Variants in MTF2 observed in about 807,000 individuals in gnomAD.
MTF2 encodes the protein metal-response element-binding transcription factor 2.
A neutral mutation model predicts 79.5 loss-of-function variants in MTF2; 11 were observed. That is an observed-to-expected ratio of 0.14 (90% CI 0.09 to 0.23). The LOEUF (loss-of-function observed/expected upper bound fraction) is 0.23, where lower values mean the gene tolerates loss of function less well. Ranked by LOEUF, MTF2 falls within the 10% of genes least tolerant of loss-of-function variation. The pLI, the probability that MTF2 is intolerant of heterozygous loss-of-function variation, is 1.00. For synonymous variants in MTF2, 208 were observed against 232.8 expected, an observed-to-expected ratio of 0.89 and a Z score of 0.97; for missense variants, 486 against 711.2, an observed-to-expected ratio of 0.68 and a Z score of 3.60.
At chr1:93,113,058 A>T (rs555860708) in intron 3 of MTF2, among the ~76,000 whole-genome samples, 1 of 152,208 alleles carries the variant, frequency 6.6e-6, no homozygotes, top group East Asian at 1.9e-4. Flanking sequence ...CCCAGAAGCT[A>T]TGGGAGACCA....
intron 1 of MTF2, among the ~76,000 whole-genome samples, chr1:93,089,987 TC>T (rs1655006964): frequency 6.6e-6 from 1 of 151,992 alleles, no homozygotes; most frequent in African/African-American, 2.4e-5. Context: ...TAATTTTTTT[TC>T]TTTTTTGAGA....
intron 9 of MTF2, among the ~76,000 whole-genome samples, chr1:93,124,591 A>G (rs954315104): frequency 7.2e-5 from 11 of 152,062 alleles, no homozygotes; most frequent in African/African-American, 2.7e-4. Flanking sequence ...ATGATACTAG[A>G]GGAAAATATA....
chr1:93,120,859 T>C, intron 9 of MTF2, 187 bp downstream of exon 9: 1 of 1,299,780 alleles, frequency 7.7e-7, no homozygotes, highest in Non-Finnish European at 9.7e-7. Flanking sequence ...TGTGTGTTTG[T>C]TGCCTGTTGA....
chr1:93,116,190 T>G (rs1656242357), intron 6 of MTF2, among the ~76,000 whole-genome samples: 1 of 152,108 alleles, frequency 6.6e-6, no homozygotes, highest in Non-Finnish European at 1.5e-5. Context: ...CCGAAGTAGC[T>G]AGGACCACAG....
chr1:93,135,751 C>T (rs1647364083), intron 14 of MTF2, among the ~76,000 whole-genome samples: 1 of 152,196 alleles, frequency 6.6e-6, no homozygotes, highest in Non-Finnish European at 1.5e-5. Context: ...GTCAGGGCTC[C>T]TGTGAGCCAT....
intron 1 of MTF2, among the ~76,000 whole-genome samples, chr1:93,086,496 C>A (rs1411354922): frequency 7.7e-3 from 752 of 97,466 alleles, no homozygotes; most frequent in African/African-American, 0.014. Context: ...GAGACTGTCT[C>A]AAAAAAAAAA....
chr1:93,094,131 A>G (rs920596622), intron 1 of MTF2, among the ~76,000 whole-genome samples: 5 of 152,234 alleles, frequency 3.3e-5, no homozygotes, highest in Non-Finnish European at 4.4e-5. Context: ...GGCCTTTTCA[A>G]TCTGGTTACT....
At chr1:93,120,385 A>G in intron 8 of MTF2, 164 bp from the exon 9 acceptor site, 2 of 491,478 alleles carry the variant, frequency 4.1e-6, no homozygotes, top group South Asian at 3.6e-5. Context: ...TTTAGTCACT[A>G]TTTTCTAGTT....
intron 1 of MTF2, among the ~76,000 whole-genome samples, chr1:93,083,978 C>T (rs952789224): frequency 1.3e-5 from 2 of 152,124 alleles, no homozygotes; most frequent in African/African-American, 4.8e-5. Context: ...GACTTTTCTT[C>T]CCCCATCCTG....
intron 1 of MTF2, among the ~76,000 whole-genome samples, chr1:93,094,538 G>A (rs1655203945): frequency 6.6e-6 from 1 of 151,908 alleles, no homozygotes; most frequent in South Asian, 2.1e-4. Context: ...TTTCTGTGGA[G>A]TTTATTTGTG....
rs144754919 is a variant in MTF2 at position 93,083,325 on chromosome 1, G to A, written c.5+3794G>A. Among the ~76,000 whole-genome samples the A allele has an allele frequency of 1.2e-3, 177 of 152,320 alleles. 1 individual carries two copies. Among genetic ancestry groups the A allele is most frequent in the African/African-American group, 4.0e-3 (167 of 41,560 alleles). ...GGTTACAATTTGACGGAATATTTGG[G>A]CGGGCACACAAAATCCAAACTATAT... On this transcript the variant is annotated intron_variant, in intron 1 of 14. Coordinates refer to ENST00000370298, the MANE Select transcript of MTF2 (RefSeq NM_007358.4).
intron 11 of MTF2, among the ~76,000 whole-genome samples, chr1:93,130,384 C>T (rs1656868813): frequency 6.6e-6 from 1 of 152,126 alleles, no homozygotes. Context: ...TTGAGACCAG[C>T]CTTACCAATA....
chr1:93,089,141 G>C (rs937707145), intron 1 of MTF2, among the ~76,000 whole-genome samples: 1 of 152,126 alleles, frequency 6.6e-6, no homozygotes, highest in Non-Finnish European at 1.5e-5. Flanking sequence ...ATTCTAGGGG[G>C]CTCAGGCTGA....
chr1:93,095,655 C>CTTT (rs111973268), intron 1 of MTF2, among the ~76,000 whole-genome samples: 1 of 118,748 alleles, frequency 8.4e-6, no homozygotes, highest in African/African-American at 3.2e-5. Flanking sequence ...TTTCTCTGTT[C>CTTT]TTTTTTTTTT....
intron 9 of MTF2, among the ~76,000 whole-genome samples, chr1:93,126,055 C>T (rs1656681867): frequency 6.6e-6 from 1 of 151,942 alleles, no homozygotes; most frequent in Non-Finnish European, 1.5e-5. Flanking sequence ...TTCTATTATT[C>T]CTCCTTTAAA....
chr1:93,080,454 A>C (rs1384492292), intron 1 of MTF2, among the ~76,000 whole-genome samples: 2 of 152,210 alleles, frequency 1.3e-5, no homozygotes, highest in African/African-American at 2.4e-5. Context: ...GTTTGTGAAC[A>C]ATGGGAAAAG....
intron 1 of MTF2, among the ~76,000 whole-genome samples, chr1:93,102,639 C>T (rs115640743): frequency 6.6e-6 from 1 of 151,868 alleles, no homozygotes; most frequent in African/African-American, 2.4e-5. Flanking sequence ...TTTTTTACTA[C>T]TACTAATAGA....
rs976519781 is a variant in MTF2, at chr1:93,137,549, A to G, written c.*522A>G. ...TTTCAAGCAAAGTGTAAAAAAATAT[A>G]TTGAGCCTGTAAATTGCTCTGTGAC... On this transcript the variant is annotated 3_prime_UTR_variant, in exon 15 of 15. Coordinates refer to ENST00000370298, the MANE Select transcript of MTF2 (RefSeq NM_007358.4). 1 of 153,706 alleles carries G rather than the reference A, an allele frequency of 6.5e-6. No homozygotes were observed. The highest frequency in any genetic ancestry group is 1.5e-5 in the Non-Finnish European group (1 of 68,824). The allele number at this position is 153,706 out of a possible 1,614,324, so 9.5% of individuals were successfully genotyped here.
rs200239689 is a variant in MTF2 at position 93,097,606 on chromosome 1, C to CT, written c.6-12615dup. The stretch of plus-strand genomic sequence containing the variant: ...TGGCCTGATTTCAGGTTTTTCCTTT[C>CT]TTTTTTTTTGAGATGGAGTCTCACT... On this transcript the variant is annotated intron_variant, in intron 1 of 14. Coordinates refer to ENST00000370298, the MANE Select transcript of MTF2 (RefSeq NM_007358.4). Among the ~76,000 whole-genome samples, 1,240 of 151,118 alleles carry CT rather than the reference C, an allele frequency of 8.2e-3. 8 individuals carry two copies. The highest frequency in any genetic ancestry group is 0.014 in the Admixed American group (207 of 15,152).
Sources: gnomAD v4.1 joint callset for allele counts (sites outside exome capture counted in the v4.1 genomes callset) on GRCh38, gnomAD v4.1.1 for gene constraint, MANE v1.5 for transcripts, NCBI Gene and HGNC (gene_info 2026-07-23, HGNC 2026-07-21) for gene names.